Variants in TMTC2 observed in about 807,000 individuals in gnomAD.
TMTC2 encodes the protein protein O-mannosyl-transferase TMTC2.
Under a neutral mutation model 82.4 loss-of-function variants are expected in TMTC2, and 43 were observed. The observed-to-expected ratio is 0.52, with a 90% CI of 0.41 to 0.67. TMTC2 has a LOEUF of 0.67. Ranked by LOEUF, TMTC2 falls within the 30% of genes least tolerant of loss-of-function variation. TMTC2 has a pLI of 0.00. For synonymous variants in TMTC2, 408 were observed against 381.9 expected, an observed-to-expected ratio of 1.07 and a Z score of -0.80; for missense variants, 919 against 1,012.4, an observed-to-expected ratio of 0.91 and a Z score of 1.25.
At chr12:82,954,203 A>G (rs1231524667) in intron 4 of TMTC2, among the ~76,000 whole-genome samples, 1 of 151,964 alleles carries the variant, frequency 6.6e-6, no homozygotes, top group African/African-American at 2.4e-5. Context: ...ATCCTCTGTA[A>G]CTCTTGAGTT....
intron 11 of TMTC2, among the ~76,000 whole-genome samples, chr12:83,089,972 A>G (rs542216271): frequency 3.7e-4 from 56 of 152,336 alleles, no homozygotes; most frequent in African/African-American, 1.3e-3. Flanking sequence ...TATGGGCTCC[A>G]ACTTGAGTCG....
At chr12:82,832,850 AT>A (rs1869827873) in intron 1 of TMTC2, among the ~76,000 whole-genome samples, 1 of 152,198 alleles carries the variant, frequency 6.6e-6, no homozygotes, top group Non-Finnish European at 1.5e-5. Flanking sequence ...TGTAAAATAG[AT>A]TAGTCTTGGG....
intron 11 of TMTC2, among the ~76,000 whole-genome samples, chr12:83,123,399 T>G (rs1261963171): frequency 2.6e-5 from 4 of 152,214 alleles, no homozygotes; most frequent in Non-Finnish European, 5.9e-5. Flanking sequence ...ATTGCTAGAT[T>G]TTCTGTGTTT....
intron 11 of TMTC2, among the ~76,000 whole-genome samples, chr12:83,078,495 A>G (rs1230671930): frequency 6.6e-6 from 1 of 152,176 alleles, no homozygotes; most frequent in East Asian, 1.9e-4. Context: ...CAAGAGGGAA[A>G]AAATATGTGC....
chr12:82,827,433 G>C (rs1179765139), intron 1 of TMTC2, among the ~76,000 whole-genome samples: 1 of 152,078 alleles, frequency 6.6e-6, no homozygotes. Context: ...CATTCTTGCC[G>C]GCATTCAAGA....
chr12:83,005,365 G>T (rs1051500703), intron 8 of TMTC2, among the ~76,000 whole-genome samples: 1 of 150,408 alleles, frequency 6.6e-6, no homozygotes, highest in African/African-American at 2.4e-5. Context: ...ATGGCTGGCC[G>T]ATTGGCTCCT....
At position 82,884,350 on chromosome 12, in the gene TMTC2, A is replaced by C. The variant is rs151325945; in HGVS notation, c.655-11468A>C. Reference sequence around the variant, plus strand: ...CAAACGCTATAGAGTGTCAGACAAAAACCAAATAGGATTTGAAATCAATGT... The same window carrying C: ...CAAACGCTATAGAGTGTCAGACAAACACCAAATAGGATTTGAAATCAATGT... On this transcript the variant is annotated intron_variant, in intron 2 of 11. Coordinates refer to ENST00000321196, the MANE Select transcript of TMTC2 (RefSeq NM_152588.3). Among the ~76,000 whole-genome samples, 1,329 of 152,276 alleles carry C rather than the reference A, an allele frequency of 8.7e-3. 12 individuals are homozygous for C. The highest frequency in any genetic ancestry group is 0.031 in the African/African-American group (1,269 of 41,546).
chr12:83,072,747 A>G (rs1170281099), intron 11 of TMTC2, among the ~76,000 whole-genome samples: 3 of 152,162 alleles, frequency 2.0e-5, no homozygotes, highest in Non-Finnish European at 2.9e-5. Flanking sequence ...TTACCATTAT[A>G]TAATGTCCCT....
intron 4 of TMTC2, among the ~76,000 whole-genome samples, chr12:82,939,155 T>C (rs1316858084): frequency 1.3e-5 from 2 of 152,200 alleles, no homozygotes; most frequent in Non-Finnish European, 1.5e-5. Flanking sequence ...ATTTTTCTTA[T>C]GTTAATTGGC....
At chr12:83,002,134 A>G (rs1281216353) in intron 8 of TMTC2, among the ~76,000 whole-genome samples, 1 of 152,048 alleles carries the variant, frequency 6.6e-6, no homozygotes, top group African/African-American at 2.4e-5. Flanking sequence ...AGGTTTTTTT[A>G]TTACTGATTC....
chr12:83,000,924 C>T (rs1173092772), intron 8 of TMTC2, among the ~76,000 whole-genome samples: 2 of 152,202 alleles, frequency 1.3e-5, no homozygotes, highest in Non-Finnish European at 2.9e-5. Context: ...ATGGGGCTTC[C>T]ACCCACTGAA....
intron 1 of TMTC2, among the ~76,000 whole-genome samples, chr12:82,838,689 G>A (rs1428436010): frequency 6.6e-6 from 1 of 152,104 alleles, no homozygotes; most frequent in African/African-American, 2.4e-5. Flanking sequence ...TGCTTTCAGA[G>A]TGGGAAGTAA....
rs145288666 is a variant in TMTC2 at position 82,844,956 on chromosome 12, G to A, written c.84-12054G>A. Among the ~76,000 whole-genome samples, 622 of 150,462 alleles carry A rather than the reference G, an allele frequency of 4.1e-3. 3 individuals are homozygous for A. The highest frequency in any genetic ancestry group is 0.015 in the African/African-American group (603 of 40,894). ...AGAAAAACTGTAAGGGGCCGGGTGCGGTGGCTCACACCTGTAATCCCAGCA... is the reference window on the plus strand; with the variant it reads ...AGAAAAACTGTAAGGGGCCGGGTGCAGTGGCTCACACCTGTAATCCCAGCA... On this transcript the variant is annotated intron_variant, in intron 1 of 11. Coordinates refer to ENST00000321196, the MANE Select transcript of TMTC2 (RefSeq NM_152588.3).
chr12:82,688,662 C>A (rs969584253), intron 1 of TMTC2, among the ~76,000 whole-genome samples: 1 of 152,126 alleles, frequency 6.6e-6, no homozygotes, highest in Non-Finnish European at 1.5e-5. Flanking sequence ...ACTTATTAAC[C>A]GTCCTGGGGT....
At chr12:82,880,545 C>T (rs1249150815) in intron 2 of TMTC2, among the ~76,000 whole-genome samples, 1 of 152,166 alleles carries the variant, frequency 6.6e-6, no homozygotes, top group Admixed American at 6.5e-5. Flanking sequence ...AGATTCCAGT[C>T]AGTTAACCGG....
At chr12:82,837,980 A>T (rs774469601) in intron 1 of TMTC2, among the ~76,000 whole-genome samples, 31 of 152,238 alleles carry the variant, frequency 2.0e-4, no homozygotes, top group Non-Finnish European at 4.1e-4. Flanking sequence ...ATCTTGGTTG[A>T]AAATCTTTAT....
At chr12:83,065,677 T>A (rs570305170) in intron 11 of TMTC2, among the ~76,000 whole-genome samples, 2 of 152,016 alleles carry the variant, frequency 1.3e-5, no homozygotes, top group East Asian at 3.9e-4. Flanking sequence ...CTTTGGAGGT[T>A]ACTTTAAATA....
intron 8 of TMTC2, among the ~76,000 whole-genome samples, 174 bp from the exon 9 acceptor site, chr12:83,030,624 G>A (rs1413513594): frequency 6.6e-6 from 1 of 151,900 alleles, no homozygotes; most frequent in East Asian, 1.9e-4. Context: ...AGACCTCAGT[G>A]TTCTCTCTCA....
intron 8 of TMTC2, among the ~76,000 whole-genome samples, chr12:83,014,415 A>G (rs553684504): frequency 2.0e-4 from 30 of 152,048 alleles, no homozygotes; most frequent in African/African-American, 7.2e-4. Context: ...ATCTCAGCTC[A>G]TGCAACCTCC....
Sources: allele counts gnomAD v4.1 joint callset (sites outside exome capture counted in the v4.1 genomes callset), GRCh38; gene constraint gnomAD v4.1.1; transcripts MANE v1.5; gene names NCBI Gene and HGNC (gene_info 2026-07-23, HGNC 2026-07-21).